The following NRP1 variants were observed in gnomAD, a reference collection of about 807,000 sequenced individuals.
The protein encoded by NRP1 is neuropilin 1.
NRP1 carries 35 observed loss-of-function variants against 106.7 expected under a neutral mutation model. The observed-to-expected ratio is 0.33, with a 90% CI of 0.25 to 0.43. NRP1 has a LOEUF of 0.43. Ranked by LOEUF, NRP1 falls within the 20% of genes least tolerant of loss-of-function variation. The pLI is 1.00. For missense variants in NRP1, 1,024 were observed against 1,170.4 expected, an observed-to-expected ratio of 0.87 and a Z score of 1.83; for synonymous variants, 437 against 417.9, an observed-to-expected ratio of 1.05 and a Z score of -0.56.
chr10:33,330,890 G>T lies in NRP1; in HGVS notation c.74-8C>A, dbSNP rs754453418. The stretch of plus-strand genomic sequence containing the variant: ...TAGTATCGCCACATTTATCTGCAAT[G>T]AAAGTAAGATTTTAGCAGATCTTTC... On this transcript the variant is annotated splice_region_variant and splice_polypyrimidine_tract_variant and intron_variant, in intron 1 of 16. Coordinates refer to ENST00000374867, the MANE Select transcript of NRP1 (RefSeq NM_003873.7). 4 of 1,594,228 alleles carry T rather than the reference G, an allele frequency of 2.5e-6. No homozygotes were observed. The highest frequency in any genetic ancestry group is 2.6e-6 in the Non-Finnish European group (3 of 1,167,188).
At chr10:33,285,867 C>CA (rs572270370) in intron 2 of NRP1, among the ~76,000 whole-genome samples, 42 of 101,582 alleles carry the variant, frequency 4.1e-4, no homozygotes, top group South Asian at 4.0e-3. Flanking sequence ...ACAAAACAAA[C>CA]AACAACAACA....
At chr10:33,206,172 C>T (rs189573265) in intron 10 of NRP1, 29 of 516,820 alleles carry the variant, frequency 5.6e-5, no homozygotes, top group African/African-American at 2.9e-4. Flanking sequence ...TCAGCATCGC[C>T]TTCCAGAATC....
At chr10:33,271,240 C>A (rs576035038) in intron 2 of NRP1, among the ~76,000 whole-genome samples, 1 of 152,316 alleles carries the variant, frequency 6.6e-6, no homozygotes, top group South Asian at 2.1e-4. Context: ...TCTTTTCAAA[C>A]TGTGAAGTTC....
Position 33,213,736 on chromosome 10 carries a change from CAG to C in NRP1, c.1283-21_1283-20del. 1 of 1,533,982 alleles carries C rather than the reference CAG, an allele frequency of 6.5e-7. No homozygotes were observed. Among genetic ancestry groups the C allele is most frequent in the Non-Finnish European group, 8.8e-7 (1 of 1,134,864 alleles). ...GGATAATCTGGGAAGTGAAATGAAA[CAG>C]ATAATGTAAAATGATTTCCTGGGCG... On this transcript the variant is annotated intron_variant, in intron 8 of 16. Coordinates refer to ENST00000374867, the MANE Select transcript of NRP1 (RefSeq NM_003873.7).
chr10:33,221,994 T>A, intron 7 of NRP1, 131 bp from the exon 8 acceptor site: 1 of 894,178 alleles, frequency 1.1e-6, no homozygotes. Flanking sequence ...ATGGCGTTAA[T>A]AACTCGCCAT....
chr10:33,309,950 C>CTT lies in NRP1; in HGVS notation c.248+20756_248+20757dup, dbSNP rs35907466. ...GGACCTACTCTCTTGCTGTATTTGC[C>CTT]TTTTTTTTTTTTTTTGAGACGGAGT... On this transcript the variant is annotated intron_variant, in intron 2 of 16. Transcript: ENST00000374867. Among the ~76,000 whole-genome samples, 461 of 139,530 alleles carry CTT rather than the reference C, an allele frequency of 3.3e-3. 5 individuals carry two copies. The highest frequency in any genetic ancestry group is 3.8e-3 in the Non-Finnish European group (243 of 63,842). 91.5% of individuals were successfully genotyped at this position (139,530 alleles called of 152,430 possible). A position where few individuals can be genotyped will look rare whatever the true frequency, so the allele number is the denominator to read the frequency against.
intron 2 of NRP1, among the ~76,000 whole-genome samples, chr10:33,290,123 C>T (rs1034462082): frequency 6.6e-6 from 1 of 152,144 alleles, no homozygotes; most frequent in Non-Finnish European, 1.5e-5. Flanking sequence ...GTCCTGCAGC[C>T]ACTTTGCAAC....
intron 6 of NRP1, among the ~76,000 whole-genome samples, chr10:33,245,258 G>A (rs1390088195): frequency 6.6e-6 from 1 of 152,154 alleles, no homozygotes; most frequent in African/African-American, 2.4e-5. Context: ...GGGGGTGATT[G>A]TTCCCTAAGT....
chr10:33,276,383 A>G (rs1843698877), intron 2 of NRP1, among the ~76,000 whole-genome samples: 1 of 152,188 alleles, frequency 6.6e-6, no homozygotes, highest in African/African-American at 2.4e-5. Context: ...TTTTAGGACC[A>G]GAAAGTTAAA....
intron 6 of NRP1, among the ~76,000 whole-genome samples, chr10:33,247,318 C>CCAGG (rs10677287): frequency 0.18 from 26,744 of 152,060 alleles, 2,764 homozygotes; most frequent in East Asian, 0.51. Flanking sequence ...TAAAGGAAGT[C>CCAGG]CAGGCCCTTC....
chr10:33,195,619 C>G (rs1449882271), intron 12 of NRP1: 1 of 532,104 alleles, frequency 1.9e-6, no homozygotes, highest in Admixed American at 1.9e-5. Context: ...ACTCAGGCCA[C>G]TGGGTCAACT....
At chr10:33,326,541 T>C (rs1420135464) in intron 2 of NRP1, among the ~76,000 whole-genome samples, 1 of 152,110 alleles carries the variant, frequency 6.6e-6, no homozygotes, top group African/African-American at 2.4e-5. Context: ...ATCATGCATA[T>C]ATATAGCTGG....
In NRP1 at chr10:33,179,733, C is replaced by A; in HGVS notation, c.*343G>T. ...CGCTTGGTGCCAGCATCTTGGATTTCGCTCAGTTTCCAAAAAGAATCCACA... is the reference window on the plus strand; with the variant it reads ...CGCTTGGTGCCAGCATCTTGGATTTAGCTCAGTTTCCAAAAAGAATCCACA... On this transcript the variant is annotated 3_prime_UTR_variant, in exon 17 of 17. Transcript: ENST00000374867. The A allele has an allele frequency of 4.1e-6, 1 of 241,176 alleles. No individual in the cohort carries two copies. The highest frequency in any genetic ancestry group is 8.1e-6 in the Non-Finnish European group (1 of 123,774). The allele number at this position is 241,176 out of a possible 1,614,324, so 14.9% of individuals were successfully genotyped here. A position where few individuals can be genotyped will look rare whatever the true frequency, so the allele number is the denominator to read the frequency against.
At chr10:33,274,619 ACT>A (rs1271380720) in intron 2 of NRP1, among the ~76,000 whole-genome samples, 2 of 151,946 alleles carry the variant, frequency 1.3e-5, no homozygotes, top group Non-Finnish European at 2.9e-5. Context: ...GTGACCCCTG[ACT>A]CTCTACAGTG....
intron 2 of NRP1, among the ~76,000 whole-genome samples, chr10:33,293,746 C>G (rs1845174514): frequency 6.6e-6 from 1 of 152,158 alleles, no homozygotes; most frequent in African/African-American, 2.4e-5. Context: ...CGCGTGCATG[C>G]ACACACACAC....
At chr10:33,253,002 T>G (rs1221494436) in intron 6 of NRP1, among the ~76,000 whole-genome samples, 1 of 152,016 alleles carries the variant, frequency 6.6e-6, no homozygotes, top group African/African-American at 2.4e-5. Flanking sequence ...TGTGGTTTTT[T>G]TTTTTTTTCT....
intron 6 of NRP1, among the ~76,000 whole-genome samples, chr10:33,231,795 T>C (rs1053570066): frequency 2.0e-5 from 3 of 152,058 alleles, no homozygotes; most frequent in African/African-American, 7.3e-5. Context: ...ATGCTCAAGA[T>C]GGCTATGGGG....
chr10:33,221,607 T>TA, intron 8 of NRP1, 112 bp downstream of exon 8: 1 of 1,197,342 alleles, frequency 8.4e-7, no homozygotes, highest in Non-Finnish European at 1.2e-6. Flanking sequence ...AATTGTCAAA[T>TA]AAAAATGATT....
At chr10:33,203,901 C>T (rs2474717) in intron 10 of NRP1, among the ~76,000 whole-genome samples, 32,214 of 102,868 alleles carry the variant, frequency 0.31, 8,031 homozygotes, top group East Asian at 0.5. Flanking sequence ...CCACCGCGCC[C>T]GGCTAATTTT....
Sources: gnomAD v4.1 joint callset for allele counts (sites outside exome capture counted in the v4.1 genomes callset) on GRCh38, gnomAD v4.1.1 for gene constraint, MANE v1.5 for transcripts, NCBI Gene and HGNC (gene_info 2026-07-23, HGNC 2026-07-21) for gene names.